Variants in LINGO2 observed in about 807,000 individuals in gnomAD.
LINGO2 encodes the protein leucine-rich repeat and immunoglobulin-like domain-containing nogo receptor-interacting protein 2.
A neutral mutation model predicts 30.6 loss-of-function variants in LINGO2; 14 were observed. That is an observed-to-expected ratio of 0.46 (90% CI 0.30 to 0.72). LINGO2 has a LOEUF of 0.72. LINGO2 is among the 30% of genes least tolerant of loss of function. The pLI, the probability that LINGO2 is intolerant of heterozygous loss-of-function variation, is 0.07. For synonymous variants in LINGO2, 317 were observed against 288.5 expected (o/e 1.10, Z -1.00); for missense variants, 729 against 751.7 (o/e 0.97, Z 0.35).
the LINGO2 span, among the ~76,000 whole-genome samples, chr9:29,038,081 T>C: frequency 1.3e-5 from 2 of 152,048 alleles, no homozygotes; most frequent in African/African-American, 2.4e-5. Flanking sequence ...AAAGATGTTA[T>C]ATTCTTGTCA....
the LINGO2 span, among the ~76,000 whole-genome samples, chr9:29,192,426 A>G: frequency 2.6e-5 from 4 of 152,196 alleles, no homozygotes; most frequent in Non-Finnish European, 2.9e-5. Flanking sequence ...CCTTTTCACA[A>G]TAATCTCCAG....
the LINGO2 span, among the ~76,000 whole-genome samples, chr9:28,698,965 C>A: frequency 6.0e-3 from 918 of 151,872 alleles, 9 homozygotes; most frequent in African/African-American, 0.021. Flanking sequence ...TCACTGAAGC[C>A]CAGAAGTTTG....
At chr9:29,150,885 A>G in the LINGO2 span, among the ~76,000 whole-genome samples, 1 of 152,184 alleles carries the variant, frequency 6.6e-6, no homozygotes, top group Non-Finnish European at 1.5e-5. Flanking sequence ...TGACATGCAC[A>G]TTCAGTAAAT....
intron 1 of LINGO2, among the ~76,000 whole-genome samples, chr9:28,534,221 A>G (rs944029479): frequency 6.6e-6 from 1 of 152,062 alleles, no homozygotes; most frequent in African/African-American, 2.4e-5. Context: ...CAGAAGCACA[A>G]TCATGGATCA....
At chr9:28,807,897 T>C in the LINGO2 span, among the ~76,000 whole-genome samples, 56,844 of 151,934 alleles carry the variant, frequency 0.37, 12,600 homozygotes, top group Middle Eastern at 0.49. Context: ...TAGTAAGACC[T>C]CAGTAAATGC....
intron 2 of LINGO2, among the ~76,000 whole-genome samples, chr9:28,386,554 T>C (rs1050063053): frequency 1.3e-5 from 2 of 152,170 alleles, no homozygotes; most frequent in Non-Finnish European, 2.9e-5. Context: ...ACAGAGTATA[T>C]AACTCTTAAA....
At chr9:28,745,599 GGCAAGAATA>G in the LINGO2 span, among the ~76,000 whole-genome samples, 5 of 151,894 alleles carry the variant, frequency 3.3e-5, no homozygotes, top group African/African-American at 9.7e-5. Flanking sequence ...TCATCATTCT[GGCAAGAATA>G]TTTTAAAAGG....
chr9:29,024,826 G>C, the LINGO2 span, among the ~76,000 whole-genome samples: 1 of 152,102 alleles, frequency 6.6e-6, no homozygotes, highest in South Asian at 2.1e-4. Flanking sequence ...AATCCACTTT[G>C]ACAAAATGTG....
chr9:28,373,510 A>G (rs1350011331), intron 2 of LINGO2, among the ~76,000 whole-genome samples: 1 of 152,190 alleles, frequency 6.6e-6, no homozygotes, highest in African/African-American at 2.4e-5. Context: ...ATAATGCTGT[A>G]TTTACCCAAA....
intron 4 of LINGO2, among the ~76,000 whole-genome samples, chr9:28,098,128 A>C (rs1348561819): frequency 3.3e-5 from 5 of 152,120 alleles, no homozygotes; most frequent in Non-Finnish European, 2.9e-5. Context: ...AACATGGTGA[A>C]ACTCCATGTC....
At chr9:28,572,363 C>G (rs1823737170) in intron 1 of LINGO2, among the ~76,000 whole-genome samples, 2 of 152,028 alleles carry the variant, frequency 1.3e-5, no homozygotes, top group African/African-American at 4.8e-5. Flanking sequence ...TTCCTATCTC[C>G]TTTATTCTGC....
At chr9:29,071,858 C>T in the LINGO2 span, among the ~76,000 whole-genome samples, 1 of 151,966 alleles carries the variant, frequency 6.6e-6, no homozygotes, top group African/African-American at 2.4e-5. Context: ...TATTTATGCT[C>T]TCAATTCTGA....
chr9:28,709,233 T>C, the LINGO2 span, among the ~76,000 whole-genome samples: 1 of 151,604 alleles, frequency 6.6e-6, no homozygotes. Flanking sequence ...TTTTGTTTTG[T>C]TTTTTAACTC....
Position 28,148,666 on chromosome 9 carries a change from G to A in LINGO2, c.-86-136261C>T. 1 of 1,532,946 alleles carries A rather than the reference G, an allele frequency of 6.5e-7. No individual in the cohort carries two copies. Among genetic ancestry groups the A allele is most frequent in the Non-Finnish European group, 8.7e-7 (1 of 1,145,382 alleles). 95.0% of individuals were successfully genotyped at this position (1,532,946 alleles called of 1,614,324 possible). A position where few individuals can be genotyped will look rare whatever the true frequency, so the allele number is the denominator to read the frequency against. ...ACAACCAGACTGACAAGGCCCAGGT[G>A]CCTGCAGTGAGTTTCTACTCCAACG... is the stretch of plus-strand genomic sequence containing the variant. On this transcript the variant is annotated intron_variant, in intron 4 of 5. Transcript: ENST00000379992. This position sits in a 1 kb window ranked among gnomAD's most constrained non-coding sequence, Gnocchi z 5.1.
At chr9:28,424,161 C>A (rs765327933) in intron 2 of LINGO2, among the ~76,000 whole-genome samples, 1 of 152,050 alleles carries the variant, frequency 6.6e-6, no homozygotes, top group African/African-American at 2.4e-5. Flanking sequence ...TGTGAAAATG[C>A]CTAAAATATT....
Position 28,199,860 on chromosome 9 carries a change from C to T in LINGO2, c.-87+95348G>A, listed in dbSNP as rs527692104. On this transcript the variant is annotated intron_variant, in intron 4 of 5. Coordinates refer to ENST00000379992, the Ensembl canonical transcript of LINGO2. ...AGATAATTCTTCAAAAACAATATTACCATCCGATAATAACCTTTTAAAGTA... is the reference window on the plus strand; with the variant it reads ...AGATAATTCTTCAAAAACAATATTATCATCCGATAATAACCTTTTAAAGTA... Among the ~76,000 whole-genome samples the T allele has an allele frequency of 3.9e-5, 6 of 151,962 alleles. No individual in the cohort carries two copies. In the South Asian group the frequency reaches 1.0e-3, roughly 26 times the overall value.
At chr9:28,103,021 G>A (rs1826464019) in intron 4 of LINGO2, among the ~76,000 whole-genome samples, 2 of 152,082 alleles carry the variant, frequency 1.3e-5, no homozygotes, top group Admixed American at 6.6e-5. Context: ...TCTTTGGTTT[G>A]CCTCACTACA....
chr9:28,161,641 T>C (rs1015928322), intron 4 of LINGO2, among the ~76,000 whole-genome samples: 1 of 152,026 alleles, frequency 6.6e-6, no homozygotes, highest in Non-Finnish European at 1.5e-5. Flanking sequence ...ACGAGAAGGA[T>C]TCATGTGTAA....
the LINGO2 span, among the ~76,000 whole-genome samples, chr9:29,075,437 T>C: frequency 6.6e-6 from 1 of 152,144 alleles, no homozygotes; most frequent in African/African-American, 2.4e-5. Flanking sequence ...TTTGAAATAA[T>C]GTAATAGCTT....
Sources: gnomAD v4.1 joint callset for allele counts (sites outside exome capture counted in the v4.1 genomes callset) on GRCh38, gnomAD v4.1.1 for gene constraint, Gnocchi (gnomAD v3.1) non-coding constraint, MANE v1.5 for transcripts, NCBI Gene and HGNC (gene_info 2026-07-23, HGNC 2026-07-21) for gene names.